RXRA: variants seen among roughly 807,000 people sequenced by gnomAD.
RXRA encodes the protein retinoid X receptor alpha, also known as retinoic acid receptor RXR-alpha.
RXRA carries 5 observed loss-of-function variants against 44.5 expected under a neutral mutation model. The ratio of observed to expected loss-of-function variants is 0.11; its 90% CI spans 0.06 to 0.24. The LOEUF (loss-of-function observed/expected upper bound fraction) is 0.24, where lower values mean the gene tolerates loss of function less well. Among genes scored for constraint, RXRA ranks in the 10% least tolerant of loss-of-function variants. The probability of loss-of-function intolerance (pLI) is 1.00; values close to 1 mark genes in which losing one functional copy is unlikely to be tolerated. For missense variants in RXRA, 412 were observed against 646.5 expected, an observed-to-expected ratio of 0.64 and a Z score of 3.93; for synonymous variants, 291 against 271.4, an observed-to-expected ratio of 1.07 and a Z score of -0.71.
intron 7 of RXRA, among the ~76,000 whole-genome samples, chr9:134,430,789 G>A (rs934556317): frequency 2.0e-5 from 3 of 152,224 alleles, no homozygotes; most frequent in African/African-American, 4.8e-5. Context: ...GAGAGATGGC[G>A]ATGACAGAGG....
chr9:134,351,369 T>C (rs889360215), intron 1 of RXRA, among the ~76,000 whole-genome samples: 1 of 152,132 alleles, frequency 6.6e-6, no homozygotes, highest in Admixed American at 6.5e-5. Context: ...AAAGTGGTGG[T>C]CCCGGGCCCG....
chr9:134,416,277 G>A (rs1461061082), intron 4 of RXRA, among the ~76,000 whole-genome samples: 1 of 152,216 alleles, frequency 6.6e-6, no homozygotes, highest in Non-Finnish European at 1.5e-5. Context: ...GGAGCCTCAT[G>A]CGCCTGGGCA....
rs894129610 is a variant in RXRA at position 134,436,711 on chromosome 9, C to G, written c.*97C>G. 7.6e-6 allele frequency: 11 copies of G among 1,452,922 alleles called. No homozygotes were observed. Among genetic ancestry groups the G allele is most frequent in the Non-Finnish European group, 1.0e-5 (11 of 1,061,324 alleles). The allele number at this position is 1,452,922 out of a possible 1,614,324, so 90.0% of individuals were successfully genotyped here. A position where few individuals can be genotyped will look rare whatever the true frequency, so the allele number is the denominator to read the frequency against. ...TGAGCCCTGTCCCTGCCCTTCTCTG[C>G]CTGGCCTGTTTGGACTTTGGGGCAC... On this transcript the variant is annotated 3_prime_UTR_variant, in exon 10 of 10. Transcript: ENST00000481739.
At chr9:134,388,493 A>AC (rs1830754385) in intron 1 of RXRA, among the ~76,000 whole-genome samples, 1 of 151,974 alleles carries the variant, frequency 6.6e-6, no homozygotes, top group African/African-American at 2.4e-5. Flanking sequence ...TGATTTGTGC[A>AC]CCTTTCCCCA....
At chr9:134,384,137 C>T (rs138964245) in intron 1 of RXRA, among the ~76,000 whole-genome samples, 8 of 152,192 alleles carry the variant, frequency 5.3e-5, no homozygotes, top group Non-Finnish European at 1.2e-4. Context: ...CCAGACCCTC[C>T]ACACTGTCAC....
intron 1 of RXRA, among the ~76,000 whole-genome samples, chr9:134,357,260 C>T (rs1022624560): frequency 2.6e-5 from 4 of 152,296 alleles, no homozygotes; most frequent in African/African-American, 4.8e-5. Flanking sequence ...CTCCAGAGCC[C>T]GGAGCAGAAA....
At chr9:134,429,014 C>A in intron 6 of RXRA, 94 bp from the exon 7 acceptor site, 1 of 1,499,380 alleles carries the variant, frequency 6.7e-7, no homozygotes, top group Non-Finnish European at 9.1e-7. Flanking sequence ...GGGTCGGTGA[C>A]ATGCTGCCTC....
intron 4 of RXRA, among the ~76,000 whole-genome samples, chr9:134,416,918 C>A (rs530738711): frequency 1.1e-4 from 16 of 152,340 alleles, no homozygotes; most frequent in African/African-American, 3.8e-4. Context: ...AGGCCCCAGG[C>A]AGGCTCCTGG....
intron 6 of RXRA, chr9:134,425,674 C>T (rs2119196681): frequency 2.0e-6 from 2 of 985,204 alleles, no homozygotes; most frequent in East Asian, 1.1e-4. Context: ...GACAGCACAC[C>T]ACTTTACTCC....
intron 5 of RXRA, among the ~76,000 whole-genome samples, chr9:134,419,870 C>G (rs945835546): frequency 6.6e-6 from 1 of 152,194 alleles, no homozygotes; most frequent in Non-Finnish European, 1.5e-5. Context: ...TGTGCCTCCT[C>G]CTCCGCTCCG....
At chr9:134,380,073 C>T (rs1830618961) in intron 1 of RXRA, 1 of 985,486 alleles carries the variant, frequency 1.0e-6, no homozygotes, top group Non-Finnish European at 1.2e-6. Flanking sequence ...CTCTCCCCTG[C>T]AGCCCCTCTG....
Position 134,401,727 on chromosome 9 carries a change from G to A in RXRA, c.124G>A (p.Gly42Ser), listed in dbSNP as rs754539654. The A allele has an allele frequency of 2.0e-5, 33 of 1,612,972 alleles. No individual in the cohort carries two copies. The highest frequency in any genetic ancestry group is 3.3e-4 in the Middle Eastern group (2 of 6,084). ...SLHPSLGPGI[G>S]SPGQLHSPIS... ...GCACCCGTCCCTGGGGCCTGGCATC[G>A]GCTCCCCGGGACAGCTGCATTCTCC... The change falls in exon 2 of 10, where the codon GGC becomes AGC. Residue 42 changes from glycine to serine, a missense_variant. Around this residue, in one of 4 missense-constraint regions of RXRA, gnomAD observed 156 missense variants for 177.2 expected, o/e 0.88. Transcript: ENST00000481739.
At chr9:134,401,458 T>C in intron 1 of RXRA, 174 bp from the exon 2 acceptor site, 3 of 972,594 alleles carry the variant, frequency 3.1e-6, no homozygotes, top group Non-Finnish European at 4.6e-6. Context: ...TGGGCACACC[T>C]GGCCCGTAGT....
chr9:134,409,262 G>A (rs1831108518), intron 4 of RXRA, 143 bp downstream of exon 4: 3 of 828,166 alleles, frequency 3.6e-6, no homozygotes, highest in African/African-American at 1.8e-5. Flanking sequence ...GAGTGGGGGC[G>A]GGGCCCAGCG....
chr9:134,332,211 G>A (rs548116960), intron 1 of RXRA, among the ~76,000 whole-genome samples: 1 of 152,326 alleles, frequency 6.6e-6, no homozygotes, highest in East Asian at 1.9e-4. Flanking sequence ...ACTGTGGCTT[G>A]CCCACCTCCT....
At chr9:134,430,205 C>T (rs1480247594) in intron 7 of RXRA, among the ~76,000 whole-genome samples, 2 of 152,230 alleles carry the variant, frequency 1.3e-5, no homozygotes, top group African/African-American at 4.8e-5. Context: ...AGTCTTTCTC[C>T]ACGAGTCTAG....
Position 134,349,839 on chromosome 9 carries a change from G to A in RXRA, c.28+23180G>A, listed in dbSNP as rs542602611. Among the ~76,000 whole-genome samples the A allele has an allele frequency of 1.2e-3, 182 of 152,134 alleles. 1 individual carries two copies. The highest frequency in any genetic ancestry group is 5.5e-3 in the East Asian group (28 of 5,132). On this transcript the variant is annotated intron_variant, in intron 1 of 9. Coordinates refer to ENST00000481739, the MANE Select transcript of RXRA (RefSeq NM_002957.6). This position sits in a 1 kb window ranked among gnomAD's most constrained non-coding sequence, Gnocchi z 4.3. ...TAGCTCGGGTGGGCGGGCGGGTGCC[G>A]CAGGCTCTCCTGTGGTAGGAGTCGG... is the stretch of plus-strand genomic sequence containing the variant.
intron 6 of RXRA, chr9:134,425,560 GGGTGA>G: frequency 1.4e-6 from 1 of 728,418 alleles, no homozygotes; most frequent in Non-Finnish European, 1.7e-6. Context: ...GGGTGGGGGG[GGGTGA>G]GGGGGGTGGG....
chr9:134,436,794 C>A lies in RXRA; in HGVS notation c.*180C>A. ...GTCACCCTCCTTATTTCTGTTACTACTTGTCTGTGGCCCAGGGCAGTGGCT... is the reference window on the plus strand; with the variant it reads ...GTCACCCTCCTTATTTCTGTTACTAATTGTCTGTGGCCCAGGGCAGTGGCT... On this transcript the variant is annotated 3_prime_UTR_variant, in exon 10 of 10. Transcript: ENST00000481739. 1 of 692,560 alleles carries A rather than the reference C, an allele frequency of 1.4e-6. No homozygotes were observed. Among genetic ancestry groups the A allele is most frequent in the Non-Finnish European group, 2.4e-6 (1 of 424,128 alleles). 42.9% of individuals were successfully genotyped at this position (692,560 alleles called of 1,614,324 possible). A position where few individuals can be genotyped will look rare whatever the true frequency, so the allele number is the denominator to read the frequency against.
Sources: gnomAD v4.1 joint callset for allele counts (sites outside exome capture counted in the v4.1 genomes callset) on GRCh38, gnomAD v4.1.1 for gene constraint, gnomAD v4.1.1 regional missense constraint, Gnocchi (gnomAD v3.1) non-coding constraint, MANE v1.5 for transcripts, NCBI Gene and HGNC (gene_info 2026-07-23, HGNC 2026-07-21) for gene names.